Variants in SEC11A observed in about 807,000 individuals in gnomAD.
SEC11A encodes the protein signal peptidase complex catalytic subunit SEC11A.
SEC11A carries 14 observed loss-of-function variants against 25.6 expected under a neutral mutation model. The observed-to-expected ratio is 0.55, with a 90% CI of 0.36 to 0.85. The LOEUF is 0.85. Ranked by LOEUF, SEC11A falls within the 40% of genes least tolerant of loss-of-function variation. The pLI is 0.01. For missense variants in SEC11A, 153 were observed against 222.9 expected (o/e 0.69, Z 2.00); for synonymous variants, 83 against 76.4 (o/e 1.09, Z -0.45).
intron 1 of SEC11A, among the ~76,000 whole-genome samples, chr15:84,692,316 G>A (rs1026757779): frequency 3.9e-5 from 6 of 152,138 alleles, no homozygotes; most frequent in Non-Finnish European, 5.9e-5. Context: ...ACAGGCGTGA[G>A]TCACCACACC....
intron 1 of SEC11A, among the ~76,000 whole-genome samples, chr15:84,706,026 C>A (rs1331770949): frequency 6.6e-6 from 1 of 151,614 alleles, no homozygotes; most frequent in Admixed American, 6.6e-5. Flanking sequence ...ATTCTCCTGC[C>A]TCTACTGAGT....
chr15:84,692,828 CA>C (rs1214636920), intron 1 of SEC11A, among the ~76,000 whole-genome samples: 1 of 152,104 alleles, frequency 6.6e-6, no homozygotes, highest in African/African-American at 2.4e-5. Context: ...GTGGATCTAA[CA>C]AAATATTAGT....
chr15:84,679,276 A>G (rs1395535918), intron 4 of SEC11A: 2 of 1,264,602 alleles, frequency 1.6e-6, no homozygotes, highest in Non-Finnish European at 2.1e-6. Context: ...ATTTCTCAGA[A>G]GCACTGATGA....
At chr15:84,709,058 G>C (rs922978963) in intron 1 of SEC11A, among the ~76,000 whole-genome samples, 3 of 152,058 alleles carry the variant, frequency 2.0e-5, no homozygotes, top group Non-Finnish European at 4.4e-5. Context: ...TCAGGGCTCA[G>C]ACAGGGATCT....
At chr15:84,687,798 C>T (rs759395151) in intron 2 of SEC11A, 24 bp from the exon 3 acceptor site, 2 of 1,568,866 alleles carry the variant, frequency 1.3e-6, no homozygotes, top group Non-Finnish European at 1.7e-6. Flanking sequence ...AAGAATATAA[C>T]AGCAAAAAGA....
chr15:84,705,644 C>T (rs1057429550), intron 1 of SEC11A, among the ~76,000 whole-genome samples: 29 of 151,894 alleles, frequency 1.9e-4, no homozygotes, highest in African/African-American at 7.0e-4. Flanking sequence ...TACCTGAGGT[C>T]ATGAGTTCGA....
chr15:84,683,255 C>T (rs901063389), intron 3 of SEC11A, among the ~76,000 whole-genome samples: 2 of 152,086 alleles, frequency 1.3e-5, no homozygotes, highest in Non-Finnish European at 1.5e-5. Context: ...AAAACAATAT[C>T]AACTCCACAC....
intron 4 of SEC11A, among the ~76,000 whole-genome samples, chr15:84,678,441 C>T (rs971204233): frequency 4.6e-5 from 7 of 151,968 alleles, no homozygotes; most frequent in East Asian, 1.9e-4. Flanking sequence ...TAACATTGTT[C>T]GCAATAAAAA....
At chr15:84,712,123 C>A (rs1476489567) in intron 1 of SEC11A, among the ~76,000 whole-genome samples, 1 of 152,002 alleles carries the variant, frequency 6.6e-6, no homozygotes, top group Non-Finnish European at 1.5e-5. Flanking sequence ...CATCCATAGT[C>A]CCAACTACTC....
chr15:84,680,833 C>A lies in SEC11A; in HGVS notation c.312-1G>T. The A allele has an allele frequency of 6.2e-7, 1 of 1,604,728 alleles. No individual in the cohort carries two copies. The highest frequency in any genetic ancestry group is 1.1e-5 in the South Asian group (1 of 89,952). On this transcript the variant is annotated splice_acceptor_variant, in intron 3 of 5. Coordinates refer to ENST00000268220, the MANE Select transcript of SEC11A (RefSeq NM_014300.4). LOFTEE classifies it high-confidence loss of function. The stretch of plus-strand genomic sequence containing the variant: ...CAAAAACTTGATATGCCCATTTTGC[C>A]TTAAAAGAGTAAAGGAAACCCAAGT...
chr15:84,680,009 C>T, intron 4 of SEC11A: 1 of 1,288,458 alleles, frequency 7.8e-7, no homozygotes, highest in Non-Finnish European at 1.1e-6. Flanking sequence ...TAATTTCATT[C>T]AACCTCATCA....
intron 1 of SEC11A, among the ~76,000 whole-genome samples, chr15:84,697,578 T>A (rs1897804815): frequency 1.3e-5 from 2 of 152,218 alleles, no homozygotes; most frequent in African/African-American, 4.8e-5. Flanking sequence ...ACAAACATTG[T>A]ATCTGAGCAA....
chr15:84,680,893 T>C, intron 3 of SEC11A, 61 bp from the exon 4 acceptor site: 1 of 1,479,002 alleles, frequency 6.8e-7, no homozygotes, highest in Non-Finnish European at 9.2e-7. Flanking sequence ...AAGCACAAAA[T>C]CTGTTCTTGT....
chr15:84,699,037 A>AG (rs1473414777), intron 1 of SEC11A, among the ~76,000 whole-genome samples: 1 of 152,194 alleles, frequency 6.6e-6, no homozygotes, highest in Non-Finnish European at 1.5e-5. Flanking sequence ...TGTCCTGGCC[A>AG]GGAGTGGTGG....
intron 1 of SEC11A, among the ~76,000 whole-genome samples, chr15:84,693,020 G>A (rs897423937): frequency 4.0e-5 from 6 of 151,734 alleles, no homozygotes; most frequent in Non-Finnish European, 8.8e-5. Flanking sequence ...ATGAGGTTTC[G>A]CCATATTGCC....
At chr15:84,685,793 A>ATTTC (rs1323078903) in intron 3 of SEC11A, 1 of 129,928 alleles carries the variant, frequency 7.7e-6, no homozygotes. Context: ...TCCAAAATAA[A>ATTTC]TTTCTTTTTT....
At chr15:84,697,551 G>A (rs1202417682) in intron 1 of SEC11A, among the ~76,000 whole-genome samples, 1 of 152,126 alleles carries the variant, frequency 6.6e-6, no homozygotes, top group African/African-American at 2.4e-5. Context: ...CTAGACAGAA[G>A]CACACTATTT....
chr15:84,701,165 G>GAA (rs34721959), intron 1 of SEC11A, among the ~76,000 whole-genome samples: 2 of 118,372 alleles, frequency 1.7e-5, no homozygotes, highest in Admixed American at 8.8e-5. Context: ...AAGCAAATAG[G>GAA]AAAAAAAAAA....
chr15:84,693,060 C>G lies in SEC11A; in HGVS notation c.52-1416G>C, dbSNP rs146312786. On this transcript the variant is annotated intron_variant, in intron 1 of 5. Coordinates refer to ENST00000268220, the MANE Select transcript of SEC11A (RefSeq NM_014300.4). ...CTGATCTTGAACTCCTGGGCTCAAG[C>G]AATCCGCCTACTTCAGCCTCCCAAA... Among the ~76,000 whole-genome samples the G allele has an allele frequency of 5.8e-3, 875 of 152,162 alleles. 3 individuals are homozygous for G. Among genetic ancestry groups the G allele is most frequent in the African/African-American group, 0.02 (812 of 41,506 alleles).
Sources: allele counts gnomAD v4.1 joint callset (sites outside exome capture counted in the v4.1 genomes callset), GRCh38; gene constraint gnomAD v4.1.1; transcripts MANE v1.5; gene names NCBI Gene and HGNC (gene_info 2026-07-23, HGNC 2026-07-21).